Variants in GNG4 observed in about 807,000 individuals in gnomAD.
GNG4 encodes guanine nucleotide-binding protein G(I)/G(S)/G(O) subunit gamma-4.
A neutral mutation model predicts 5.8 loss-of-function variants in GNG4; 4 were observed. The observed-to-expected ratio is 0.69, with a 90% CI of 0.34 to 1.57. GNG4 has a LOEUF of 1.57. GNG4 is among the 40% of genes most tolerant of loss of function. The pLI is 0.06. For synonymous variants in GNG4, 29 were observed against 32.9 expected (o/e 0.88, Z 0.41); for missense variants, 96 against 95.1 (o/e 1.01, Z -0.04).
At chr1:235,582,367 C>T (rs77047654) in intron 3 of GNG4, among the ~76,000 whole-genome samples, 2,540 of 152,300 alleles carry the variant, frequency 0.017, 62 homozygotes, top group African/African-American at 0.054. Context: ...CCACACGAGC[C>T]GTGATTAGCT....
intron 3 of GNG4, among the ~76,000 whole-genome samples, chr1:235,553,722 A>G (rs1007502358): frequency 1.3e-5 from 2 of 152,218 alleles, no homozygotes; most frequent in Non-Finnish European, 2.9e-5. Context: ...GACAAAACCT[A>G]CATTTGTTAA....
At chr1:235,583,870 G>C (rs1353362546) in intron 2 of GNG4, 22 bp from the exon 3 acceptor site, 2 of 1,472,826 alleles carry the variant, frequency 1.4e-6, no homozygotes, top group Non-Finnish European at 9.5e-7. Flanking sequence ...CAAAGTAAAA[G>C]GGTTAGAAGA....
intron 2 of GNG4, among the ~76,000 whole-genome samples, chr1:235,587,462 TG>T (rs1236512266): frequency 3.4e-3 from 3 of 876 alleles, no homozygotes; most frequent in Admixed American, 0.018. Context: ...GGGTACAGGG[TG>T]GGGGGTGAGT....
At chr1:235,611,871 G>A (rs10926246) in intron 1 of GNG4, among the ~76,000 whole-genome samples, 1 of 151,556 alleles carries the variant, frequency 6.6e-6, no homozygotes, top group South Asian at 2.1e-4. Context: ...AAGAACAGCC[G>A]AGGCAACATA....
At chr1:235,589,650 C>G (rs1687911609) in intron 2 of GNG4, among the ~76,000 whole-genome samples, 1 of 152,128 alleles carries the variant, frequency 6.6e-6, no homozygotes, top group African/African-American at 2.4e-5. Context: ...CTCAATGGGA[C>G]ATCAGGGGAA....
At chr1:235,589,841 G>C (rs1373668188) in intron 2 of GNG4, among the ~76,000 whole-genome samples, 1 of 152,198 alleles carries the variant, frequency 6.6e-6, no homozygotes, top group African/African-American at 2.4e-5. Context: ...TGAGCTGGGT[G>C]GGTCCTTGGA....
chr1:235,608,687 A>G lies in GNG4; in HGVS notation c.-122-13176T>C, dbSNP rs866592698. The stretch of plus-strand genomic sequence containing the variant: ...TTTTTTACTTAGTTTTTTATTTTTT[A>G]TTTTTTTTTTTTTTGAGACGGAGTC... On this transcript the variant is annotated intron_variant, in intron 1 of 3. Coordinates refer to ENST00000391854, the MANE Select transcript of GNG4 (RefSeq NM_001098722.2). 4.4e-4 allele frequency among the ~76,000 whole-genome samples: 63 copies of G among 143,484 alleles called. No individual in the cohort carries two copies. In the South Asian group the frequency reaches 0.013, roughly 30 times the overall value. The allele number at this position is 143,484 out of a possible 152,430, so 94.1% of individuals were successfully genotyped here.
chr1:235,633,093 AT>A (rs1314470375), intron 1 of GNG4, among the ~76,000 whole-genome samples: 1 of 152,216 alleles, frequency 6.6e-6, no homozygotes, highest in African/African-American at 2.4e-5. Context: ...GTGAAAAAAA[AT>A]ATAGGACTCA....
chr1:235,600,041 T>C (rs1688220233), intron 1 of GNG4, among the ~76,000 whole-genome samples: 1 of 151,498 alleles, frequency 6.6e-6, no homozygotes. Context: ...ACACAGATTG[T>C]TGGAGCTGAT....
At chr1:235,650,196 C>T (rs1480293994), upstream of GNG4, among the ~76,000 whole-genome samples, 5 of 131,474 alleles carry the variant, frequency 3.8e-5, no homozygotes, top group East Asian at 2.7e-4. Flanking sequence ...CCCGCCCCCC[C>T]GGAGCCCGCG....
chr1:235,618,351 T>C (rs1379991717), intron 1 of GNG4, among the ~76,000 whole-genome samples: 2 of 152,180 alleles, frequency 1.3e-5, no homozygotes, highest in Non-Finnish European at 2.9e-5. Flanking sequence ...TTGCTCTGAT[T>C]CTGCCCAGAA....
intron 2 of GNG4, among the ~76,000 whole-genome samples, 170 bp downstream of exon 2, chr1:235,595,230 T>G (rs1242738558): frequency 1.3e-5 from 2 of 151,332 alleles, no homozygotes; most frequent in East Asian, 1.9e-4. Context: ...CCGTGGAGGG[T>G]GGGAGAAGGG....
chr1:235,643,065 C>T (rs1292455870), intron 1 of GNG4, among the ~76,000 whole-genome samples: 1 of 152,172 alleles, frequency 6.6e-6, no homozygotes, highest in East Asian at 1.9e-4. Flanking sequence ...GTTATCCAGT[C>T]TCCCTGTCCT....
At chr1:235,637,057 C>CA (rs61512163) in intron 1 of GNG4, among the ~76,000 whole-genome samples, 11,460 of 134,360 alleles carry the variant, frequency 0.085, 1,431 homozygotes, top group African/African-American at 0.29. Flanking sequence ...GACTCCGTCT[C>CA]AAAAAAAAAA....
intron 3 of GNG4, among the ~76,000 whole-genome samples, chr1:235,561,786 T>C (rs1377191407): frequency 6.6e-6 from 1 of 152,240 alleles, no homozygotes; most frequent in Non-Finnish European, 1.5e-5. Context: ...CCCTTAACAG[T>C]GCTTTTCACT....
At chr1:235,553,785 C>T (rs1330368632) in intron 3 of GNG4, among the ~76,000 whole-genome samples, 2 of 152,092 alleles carry the variant, frequency 1.3e-5, no homozygotes, top group Non-Finnish European at 2.9e-5. Flanking sequence ...CTAGATCTAC[C>T]CCCGCCCGTA....
intron 1 of GNG4, among the ~76,000 whole-genome samples, chr1:235,619,234 TAC>T (rs1558499357): frequency 6.9e-6 from 1 of 145,432 alleles, no homozygotes; most frequent in Non-Finnish European, 1.5e-5. Flanking sequence ...CATATATATA[TAC>T]ACAAAAATTA....
intron 1 of GNG4, among the ~76,000 whole-genome samples, chr1:235,598,334 G>A (rs1279227528): frequency 2.0e-5 from 3 of 152,188 alleles, no homozygotes; most frequent in African/African-American, 7.2e-5. Context: ...TTCCAGCTGG[G>A]TGCAGTGACT....
At chr1:235,597,534 CAG>C (rs1305980468) in intron 1 of GNG4, among the ~76,000 whole-genome samples, 2 of 147,264 alleles carry the variant, frequency 1.4e-5, no homozygotes, top group Non-Finnish European at 3.0e-5. Flanking sequence ...AGAGCTCTGA[CAG>C]AGATCCAGGA....
Sources: gnomAD v4.1 joint callset for allele counts (sites outside exome capture counted in the v4.1 genomes callset) on GRCh38, gnomAD v4.1.1 for gene constraint, MANE v1.5 for transcripts, NCBI Gene and HGNC (gene_info 2026-07-23, HGNC 2026-07-21) for gene names.